The following RAP1GAP variants were observed in gnomAD, a reference collection of about 807,000 sequenced individuals.
RAP1GAP encodes the protein rap1 GTPase-activating protein 1.
RAP1GAP carries 35 observed loss-of-function variants against 87.2 expected under a neutral mutation model. The ratio of observed to expected loss-of-function variants is 0.40; its 90% CI spans 0.31 to 0.53. RAP1GAP has a LOEUF of 0.53. Among genes scored for constraint, RAP1GAP ranks in the 20% least tolerant of loss-of-function variants. The pLI, the probability that RAP1GAP is intolerant of heterozygous loss-of-function variation, is 0.48. For missense variants in RAP1GAP, 734 were observed against 898.9 expected, an observed-to-expected ratio of 0.82 and a Z score of 2.35; for synonymous variants, 375 against 363.9, an observed-to-expected ratio of 1.03 and a Z score of -0.35.
Position 21,598,508 on chromosome 1 carries a change from G to A in RAP1GAP, c.1777-6C>T. 1 of 1,608,058 alleles carries A rather than the reference G, an allele frequency of 6.2e-7. No homozygotes were observed. The highest frequency in any genetic ancestry group is 8.5e-7 in the Non-Finnish European group (1 of 1,174,708). On this transcript the variant is annotated splice_polypyrimidine_tract_variant and splice_region_variant and intron_variant, in intron 21 of 24. Transcript: ENST00000374765. ...CCTGAGGATGACACGCTCTCCTGGG[G>A]AGGGGGTGGAAAGAGGGAGGGAGGT... is the stretch of plus-strand genomic sequence containing the variant.
At chr1:21,642,144 C>A (rs1198596733) in intron 2 of RAP1GAP, among the ~76,000 whole-genome samples, 1 of 152,210 alleles carries the variant, frequency 6.6e-6, no homozygotes, top group African/African-American at 2.4e-5. Flanking sequence ...GTTCTCAGGG[C>A]CAGTGCCTAA....
intron 7 of RAP1GAP, 28 bp from the exon 8 acceptor site, chr1:21,614,117 G>C (rs1263070273): frequency 8.0e-6 from 12 of 1,491,522 alleles, no homozygotes; most frequent in Non-Finnish European, 1.1e-5. Flanking sequence ...GGCCAGGGGA[G>C]TGGGTGAGGC....
intron 1 of RAP1GAP, among the ~76,000 whole-genome samples, chr1:21,656,760 C>A (rs2096884191): frequency 6.6e-6 from 1 of 152,240 alleles, no homozygotes; most frequent in Non-Finnish European, 1.5e-5. Context: ...CTTAAAGGGA[C>A]CCCATCAGGG....
Position 21,598,522 on chromosome 1 carries a change from A to C in RAP1GAP, c.1777-20T>G. 6.3e-7 allele frequency: 1 copy of C among 1,590,922 alleles called. No individual in the cohort carries two copies. Among genetic ancestry groups the C allele is most frequent in the South Asian group, 1.1e-5 (1 of 90,558 alleles). ...GCTCTCCTGGGGAGGGGGTGGAAAGAGGGAGGGAGGTTAGCCTATGCCCTT... is the reference window on the plus strand; with the variant it reads ...GCTCTCCTGGGGAGGGGGTGGAAAGCGGGAGGGAGGTTAGCCTATGCCCTT... On this transcript the variant is annotated intron_variant, in intron 21 of 24. Coordinates refer to ENST00000374765, the MANE Select transcript of RAP1GAP (RefSeq NM_002885.4).
chr1:21,613,361 G>T lies in RAP1GAP; in HGVS notation c.475-132C>A. ...TGGCCAAGGCTAAAGCAGGACTCGG[G>T]GTTCACTGTTGCTCAGGGAACGGAG... On this transcript the variant is annotated intron_variant, in intron 9 of 24. Coordinates refer to ENST00000374765, the MANE Select transcript of RAP1GAP (RefSeq NM_002885.4). The surrounding 1 kb of genome is among the most constrained non-coding windows in gnomAD (Gnocchi z 4.7). 1.1e-6 allele frequency: 1 copy of T among 879,752 alleles called. No individual in the cohort carries two copies. Among genetic ancestry groups the T allele is most frequent in the South Asian group, 1.4e-5 (1 of 70,572 alleles). The allele number at this position is 879,752 out of a possible 1,614,324, so 54.5% of individuals were successfully genotyped here.
At position 21,617,342 on chromosome 1, in the gene RAP1GAP, G is replaced by A. The variant is rs2275359; in HGVS notation, c.255C>T (p.Pro85=). ...PTTKVKLECN[P]TARIYRKHFL... ...AGTGCTTCCGGTAGATGCGGGCTGT[G>A]GGGTTGCACTCGAGCTTCACCTTGG... Residue 85 remains proline (P), a synonymous_variant, in exon 7 of 25, where the codon CCC becomes CCT. Transcript: ENST00000374765. 54 of 1,594,670 alleles carry A rather than the reference G, an allele frequency of 3.4e-5. No individual in the cohort carries two copies. In the East Asian group the frequency reaches 1.2e-3, roughly 35 times the overall value.
chr1:21,610,904 C>A (rs990618126), intron 13 of RAP1GAP, among the ~76,000 whole-genome samples: 3 of 152,162 alleles, frequency 2.0e-5, no homozygotes, highest in African/African-American at 7.2e-5. Context: ...GGGCTGGGGA[C>A]CTGACTGGGA....
In RAP1GAP at chr1:21,596,593, C is replaced by G. The variant is rs1230694007; in HGVS notation, c.*706G>C. The G allele has an allele frequency of 1.3e-5, 2 of 152,500 alleles. No individual in the cohort carries two copies. Among genetic ancestry groups the G allele is most frequent in the African/African-American group, 4.8e-5 (2 of 41,560 alleles). The allele number at this position is 152,500 out of a possible 1,614,324, so 9.4% of individuals were successfully genotyped here. A position where few individuals can be genotyped will look rare whatever the true frequency, so the allele number is the denominator to read the frequency against. On this transcript the variant is annotated 3_prime_UTR_variant, in exon 25 of 25. Transcript: ENST00000374765. ...CAGACCTGTGGCAGAACTGGAGGGT[C>G]CAGGAGGCATACTGGGCACAGCCGG...
chr1:21,613,660 T>C lies in RAP1GAP; in HGVS notation c.442A>G (p.Thr148Ala). ...ATCTGGACAACATTAGGGAACTCGGTGAGGCAGGAGATGGGGATGACATCA... is the reference window on the plus strand; with the variant it reads ...ATCTGGACAACATTAGGGAACTCGGCGAGGCAGGAGATGGGGATGACATCA... ...YHDVIPISCL[T>A]EFPNVVQMAK... The change falls in exon 9 of 25, where the codon ACC (threonine) becomes GCC (alanine). Residue 148 changes from threonine (T) to alanine (A), a missense_variant. By Grantham distance (58) the Thr-to-Ala change is moderately conservative. This residue lies in a region of RAP1GAP where 485 missense variants were observed against 646.2 expected (regional missense o/e 0.75). Coordinates refer to ENST00000374765, the MANE Select transcript of RAP1GAP (RefSeq NM_002885.4). This position sits in a 1 kb window ranked among gnomAD's most constrained non-coding sequence, Gnocchi z 4.7. 1.9e-6 allele frequency: 3 copies of C among 1,613,684 alleles called. No homozygotes were observed. Among genetic ancestry groups the C allele is most frequent in the Non-Finnish European group, 2.5e-6 (3 of 1,179,822 alleles).
chr1:21,632,966 C>A lies in RAP1GAP; in HGVS notation c.-112-6569G>T, dbSNP rs142664241. On this transcript the variant is annotated intron_variant, in intron 2 of 24. Coordinates refer to ENST00000374765, the MANE Select transcript of RAP1GAP (RefSeq NM_002885.4). ...GGAATGGTTGGGCAGAGGGGGAGACCAAGCACAGGTGGCCAGATGCCTTCC... is the reference window on the plus strand; with the variant it reads ...GGAATGGTTGGGCAGAGGGGGAGACAAAGCACAGGTGGCCAGATGCCTTCC... Among the ~76,000 whole-genome samples, 339 of 152,290 alleles carry A rather than the reference C, an allele frequency of 2.2e-3. 3 individuals are homozygous for A. The highest frequency in any genetic ancestry group is 7.6e-3 in the African/African-American group (316 of 41,568).
At chr1:21,655,131 CTCTG>C (rs1398924185) in intron 1 of RAP1GAP, among the ~76,000 whole-genome samples, 35 of 147,710 alleles carry the variant, frequency 2.4e-4, no homozygotes, top group African/African-American at 6.5e-4. Context: ...CAAAGCAAGA[CTCTG>C]TCTGAAAAAA....
chr1:21,631,040 G>A (rs897675791), intron 2 of RAP1GAP, among the ~76,000 whole-genome samples: 3 of 151,816 alleles, frequency 2.0e-5, no homozygotes, highest in African/African-American at 7.3e-5. Context: ...CCCACAATGT[G>A]GTCGTTTCCT....
At chr1:21,605,493 TGCGCACACAGTAGGC>T (rs2073802422) in intron 18 of RAP1GAP, among the ~76,000 whole-genome samples, 1 of 151,792 alleles carries the variant, frequency 6.6e-6, no homozygotes, top group South Asian at 2.1e-4. Context: ...AGCCCAGGGC[TGCGCACACAGTAGGC>T]GCTCACAGAG....
intron 1 of RAP1GAP, chr1:21,651,741 C>T: frequency 6.8e-7 from 1 of 1,473,272 alleles, no homozygotes; most frequent in East Asian, 2.6e-5. Context: ...CACGCACACG[C>T]GCGCACGCGC....
chr1:21,613,749 C>A lies in RAP1GAP; in HGVS notation c.396-43G>T. On this transcript the variant is annotated intron_variant, in intron 8 of 24. Coordinates refer to ENST00000374765, the MANE Select transcript of RAP1GAP (RefSeq NM_002885.4). This position sits in a 1 kb window ranked among gnomAD's most constrained non-coding sequence, Gnocchi z 4.7. ...CACGATGAAGGCCTGGGCAGCAGGA[C>A]AGGAAAATGGGAACCCCACCCCCCA... 1 of 1,557,718 alleles carries A rather than the reference C, an allele frequency of 6.4e-7. No homozygotes were observed. Among genetic ancestry groups the A allele is most frequent in the Non-Finnish European group, 8.8e-7 (1 of 1,130,422 alleles).
chr1:21,616,351 A>G (rs1453043202), intron 7 of RAP1GAP, among the ~76,000 whole-genome samples: 1 of 152,218 alleles, frequency 6.6e-6, no homozygotes, highest in Non-Finnish European at 1.5e-5. Flanking sequence ...TCCTGATATC[A>G]CCAAGTAATT....
intron 5 of RAP1GAP, 122 bp downstream of exon 5, chr1:21,618,903 G>A (rs868768976): frequency 1.7e-6 from 2 of 1,158,338 alleles, no homozygotes; most frequent in Middle Eastern, 3.9e-4. Context: ...CCCCGCACCT[G>A]GCACACTGTA....
In RAP1GAP at chr1:21,598,076, G is replaced by T; in HGVS notation, c.1880-12C>A. 1.3e-6 allele frequency: 2 copies of T among 1,492,540 alleles called. No homozygotes were observed. Among genetic ancestry groups the T allele is most frequent in the Non-Finnish European group, 1.8e-6 (2 of 1,105,648 alleles). The allele number at this position is 1,492,540 out of a possible 1,614,324, so 92.5% of individuals were successfully genotyped here. A position where few individuals can be genotyped will look rare whatever the true frequency, so the allele number is the denominator to read the frequency against. On this transcript the variant is annotated splice_polypyrimidine_tract_variant and intron_variant, in intron 22 of 24. Coordinates refer to ENST00000374765, the MANE Select transcript of RAP1GAP (RefSeq NM_002885.4). ...TGATCGAGAGGGGCCTGGGGAGGGG[G>T]GCAGGAGGGAGCCACCTCACTGGCC... is the stretch of plus-strand genomic sequence containing the variant.
Position 21,603,831 on chromosome 1 carries a change from CA to C in RAP1GAP, c.1429-919del. ...CCAGAGCCGGCGGCCCCGCGGACGA[CA>C]ACCTCTTCCACGGTTCCTATGCCTA... is the stretch of plus-strand genomic sequence containing the variant. On this transcript the variant is annotated intron_variant, in intron 18 of 24. Coordinates refer to ENST00000374765, the MANE Select transcript of RAP1GAP (RefSeq NM_002885.4). The surrounding 1 kb of genome is among the most constrained non-coding windows in gnomAD (Gnocchi z 6.0). 3.1e-6 allele frequency: 5 copies of C among 1,610,992 alleles called. No individual in the cohort carries two copies. The highest frequency in any genetic ancestry group is 4.2e-6 in the Non-Finnish European group (5 of 1,178,702).
Sources: gnomAD v4.1 joint callset for allele counts (sites outside exome capture counted in the v4.1 genomes callset) on GRCh38, gnomAD v4.1.1 for gene constraint, gnomAD v4.1.1 regional missense constraint, Gnocchi (gnomAD v3.1) non-coding constraint, MANE v1.5 for transcripts, NCBI Gene and HGNC (gene_info 2026-07-23, HGNC 2026-07-21) for gene names.